Variants in MDGA2 observed in about 807,000 individuals in gnomAD.
MDGA2 encodes MAM domain containing glycosylphosphatidylinositol anchor 2.
A neutral mutation model predicts 117.8 loss-of-function variants in MDGA2; 40 were observed. The ratio of observed to expected loss-of-function variants is 0.34; its 90% confidence interval spans 0.26 to 0.44. MDGA2 has a LOEUF of 0.44. Among genes scored for constraint, MDGA2 ranks in the 20% least tolerant of loss-of-function variants. The pLI, the probability that MDGA2 is intolerant of heterozygous loss-of-function variation, is 1.00. For missense variants in MDGA2, 1,123 were observed against 1,250.6 expected (o/e 0.90, Z 1.54); for synonymous variants, 452 against 439.0 (o/e 1.03, Z -0.37).
intron 1 of MDGA2, among the ~76,000 whole-genome samples, chr14:47,439,341 G>T (rs1051918817): frequency 6.6e-6 from 1 of 152,116 alleles, no homozygotes; most frequent in African/African-American, 2.4e-5. Flanking sequence ...GTGTGTGTAT[G>T]TGTGTGTATG....
intron 9 of MDGA2, among the ~76,000 whole-genome samples, chr14:46,936,911 C>G (rs1013904834): frequency 1.4e-4 from 22 of 152,096 alleles, no homozygotes; most frequent in African/African-American, 5.3e-4. Context: ...TCTTACCACT[C>G]TTATTCAACG....
chr14:46,977,582 G>A (rs975077476), intron 8 of MDGA2, among the ~76,000 whole-genome samples: 6 of 151,796 alleles, frequency 4.0e-5, no homozygotes, highest in Non-Finnish European at 7.4e-5. Context: ...AAATGTTGCC[G>A]TTTGCACCAG....
At chr14:47,144,815 A>T (rs1882872639) in intron 3 of MDGA2, among the ~76,000 whole-genome samples, 2 of 130,456 alleles carry the variant, frequency 1.5e-5, no homozygotes, top group Admixed American at 7.6e-5. Flanking sequence ...TGCCCGGCTA[A>T]TTTTTTTTTT....
intron 2 of MDGA2, among the ~76,000 whole-genome samples, chr14:47,277,703 A>G (rs1434949319): frequency 1.3e-5 from 2 of 152,182 alleles, no homozygotes; most frequent in African/African-American, 4.8e-5. Flanking sequence ...TTCTCCAACC[A>G]AAATGATAGG....
At chr14:46,972,856 A>T (rs1402383987) in intron 8 of MDGA2, among the ~76,000 whole-genome samples, 1 of 152,146 alleles carries the variant, frequency 6.6e-6, no homozygotes, top group Non-Finnish European at 1.5e-5. Flanking sequence ...ACTGGGAGAA[A>T]ATATTTGCCA....
rs145426576 is a variant in MDGA2 at position 46,952,369 on chromosome 14, G to A, written c.2089+5005C>T. Reference sequence around the variant, plus strand: ...AGGGTTATAAGATGTACCATTTATTGATGGTGGTTGAGGATTAAGATGGAA... The same window carrying A: ...AGGGTTATAAGATGTACCATTTATTAATGGTGGTTGAGGATTAAGATGGAA... On this transcript the variant is annotated intron_variant, in intron 9 of 16. Transcript: ENST00000399232. 3.2e-3 allele frequency among the ~76,000 whole-genome samples: 492 copies of A among 151,980 alleles called. 5 individuals are homozygous for A. The highest frequency in any genetic ancestry group is 0.011 in the African/African-American group (473 of 41,506).
At chr14:47,271,617 T>A (rs1170879178) in intron 2 of MDGA2, among the ~76,000 whole-genome samples, 7 of 152,156 alleles carry the variant, frequency 4.6e-5, no homozygotes, top group Admixed American at 4.6e-4. Flanking sequence ...CCCATTCCTG[T>A]GGCTGGCTCT....
chr14:47,118,207 T>C (rs1159768595), intron 5 of MDGA2, among the ~76,000 whole-genome samples: 1 of 152,204 alleles, frequency 6.6e-6, no homozygotes, highest in African/African-American at 2.4e-5. Context: ...CTACATTTCT[T>C]ATCAGGGATT....
At chr14:47,155,574 G>A (rs1451354358) in intron 3 of MDGA2, among the ~76,000 whole-genome samples, 1 of 152,072 alleles carries the variant, frequency 6.6e-6, no homozygotes, top group African/African-American at 2.4e-5. Context: ...CAACGCCCAT[G>A]CCGGGAGTTG....
chr14:47,544,204 T>TTATTAAAA, intron 1 of MDGA2, among the ~76,000 whole-genome samples: 1 of 152,308 alleles, frequency 6.6e-6, no homozygotes, highest in South Asian at 2.1e-4. Flanking sequence ...AGTCAAATTG[T>TTATTAAAA]GTTCATGCCT....
intron 10 of MDGA2, among the ~76,000 whole-genome samples, chr14:46,886,093 C>G (rs1882663643): frequency 6.6e-6 from 1 of 152,010 alleles, no homozygotes; most frequent in African/African-American, 2.4e-5. Context: ...TATAAGCAAT[C>G]CATGAAAAAT....
At chr14:47,667,063 G>A (rs1260084088) in intron 1 of MDGA2, among the ~76,000 whole-genome samples, 2 of 152,144 alleles carry the variant, frequency 1.3e-5, no homozygotes, top group Middle Eastern at 3.2e-3. Flanking sequence ...GCAAGGGTCC[G>A]CGGCTTCATT....
At chr14:46,851,668 A>C (rs962640485) in intron 15 of MDGA2, among the ~76,000 whole-genome samples, 3 of 151,794 alleles carry the variant, frequency 2.0e-5, no homozygotes, top group Non-Finnish European at 4.4e-5. Context: ...AGTGAAAGAG[A>C]CTCAAAGTCA....
At chr14:47,611,288 A>G (rs894047201) in intron 1 of MDGA2, among the ~76,000 whole-genome samples, 2 of 152,158 alleles carry the variant, frequency 1.3e-5, no homozygotes, top group Non-Finnish European at 2.9e-5. Flanking sequence ...CCTTCTAAAC[A>G]TTGGCTTAGG....
chr14:47,401,146 T>C (rs970910075), intron 1 of MDGA2, among the ~76,000 whole-genome samples: 1 of 151,970 alleles, frequency 6.6e-6, no homozygotes, highest in African/African-American at 2.4e-5. Context: ...ACACATCAAG[T>C]AGATAAATTA....
chr14:47,672,266 C>G (rs546616608), intron 1 of MDGA2, among the ~76,000 whole-genome samples: 1 of 152,184 alleles, frequency 6.6e-6, no homozygotes, highest in Non-Finnish European at 1.5e-5. Flanking sequence ...CAATTCTATT[C>G]CTGGCTACAT....
At chr14:47,247,272 G>A (rs1185863212) in intron 2 of MDGA2, among the ~76,000 whole-genome samples, 2 of 150,912 alleles carry the variant, frequency 1.3e-5, no homozygotes, top group African/African-American at 4.9e-5. Flanking sequence ...AAATAAATAG[G>A]TGTGTATATC....
At position 47,418,062 on chromosome 14, in the gene MDGA2, G is replaced by A. The variant is rs540915400; in HGVS notation, c.281-116512C>T. 9.2e-5 allele frequency among the ~76,000 whole-genome samples: 14 copies of A among 151,828 alleles called. No individual in the cohort carries two copies. In the South Asian group the frequency reaches 2.5e-3, roughly 27 times the overall value. ...TGTTTGGGCTGCTATAAAAATTAGG[G>A]TACTTTTTAATTTTTTAATTTTTTA... On this transcript the variant is annotated intron_variant, in intron 1 of 16. Coordinates refer to ENST00000399232, the MANE Select transcript of MDGA2 (RefSeq NM_001113498.3).
intron 1 of MDGA2, among the ~76,000 whole-genome samples, chr14:47,522,011 C>T (rs1244738268): frequency 7.9e-5 from 12 of 151,962 alleles, no homozygotes; most frequent in Non-Finnish European, 1.3e-4. Flanking sequence ...CAAAACAAAA[C>T]GAAACAAAAA....
Sources: gnomAD v4.1 joint callset for allele counts (sites outside exome capture counted in the v4.1 genomes callset) on GRCh38, gnomAD v4.1.1 for gene constraint, MANE v1.5 for transcripts, NCBI Gene and HGNC (gene_info 2026-07-23, HGNC 2026-07-21) for gene names.